MAP2: variants seen among roughly 807,000 people sequenced by gnomAD.
MAP2 encodes the protein microtubule associated protein 2, also known as microtubule-associated protein 2.
MAP2 carries 14 observed loss-of-function variants against 137.6 expected under a neutral mutation model. The ratio of observed to expected loss-of-function variants is 0.10; its 90% confidence interval spans 0.07 to 0.16. The LOEUF is 0.16. MAP2 is among the 10% of genes least tolerant of loss of function. The pLI, the probability that MAP2 is intolerant of heterozygous loss-of-function variation, is 1.00. For missense variants in MAP2, 2,088 were observed against 2,191.5 expected (o/e 0.95, Z 0.94); for synonymous variants, 786 against 782.3 (o/e 1.00, Z -0.08).
intron 2 of MAP2, among the ~76,000 whole-genome samples, chr2:209,573,134 TC>T (rs1299597454): frequency 6.6e-6 from 1 of 152,182 alleles, no homozygotes; most frequent in Non-Finnish European, 1.5e-5. Context: ...GAGCCATGCT[TC>T]TAACAATTTG....
At chr2:209,470,229 C>T (rs1052990477) in intron 1 of MAP2, among the ~76,000 whole-genome samples, 35 of 152,050 alleles carry the variant, frequency 2.3e-4, no homozygotes, top group Non-Finnish European at 4.0e-4. Context: ...AAATGCTATG[C>T]GGGAGAAGAT....
chr2:209,435,192 C>A (rs938997049), intron 1 of MAP2, among the ~76,000 whole-genome samples: 1 of 150,962 alleles, frequency 6.6e-6, no homozygotes, highest in Non-Finnish European at 1.5e-5. Flanking sequence ...GCATATTGTT[C>A]TCCTCTAGTT....
chr2:209,580,541 G>GAA (rs1553603177), intron 3 of MAP2, among the ~76,000 whole-genome samples: 5 of 152,102 alleles, frequency 3.3e-5, no homozygotes, highest in Non-Finnish European at 7.4e-5. Context: ...TGCTAGAGAC[G>GAA]AAAGCCCAGG....
chr2:209,643,989 G>A (rs1404861902), intron 4 of MAP2, among the ~76,000 whole-genome samples: 1 of 152,158 alleles, frequency 6.6e-6, no homozygotes, highest in East Asian at 1.9e-4. Flanking sequence ...ATTCTTTTCT[G>A]AGGTCCTATG....
intron 4 of MAP2, among the ~76,000 whole-genome samples, chr2:209,641,002 C>CAAGTTTACCATGA (rs2093983019): frequency 6.6e-6 from 1 of 151,608 alleles, no homozygotes; most frequent in East Asian, 1.9e-4. Flanking sequence ...CCAAGTTTAC[C>CAAGTTTACCATGA]TGGATCATGG....
chr2:209,469,993 C>T (rs1164261162), intron 1 of MAP2, among the ~76,000 whole-genome samples: 1 of 152,146 alleles, frequency 6.6e-6, no homozygotes, highest in South Asian at 2.1e-4. Context: ...ACAATAAATA[C>T]TCAAGAACTA....
intron 2 of MAP2, among the ~76,000 whole-genome samples, chr2:209,519,954 A>T (rs2063038927): frequency 6.6e-6 from 1 of 152,032 alleles, no homozygotes; most frequent in Admixed American, 6.6e-5. Flanking sequence ...CCTTGTGGAG[A>T]GCAGAATGGA....
Position 209,694,622 on chromosome 2 carries a change from A to G in MAP2, c.2452A>G (p.Arg818Gly). Residue 818 changes from arginine to glycine, a missense_variant, in exon 8 of 16, where the codon AGA becomes GGA. This residue lies in a region of MAP2 where 500 missense variants were observed against 482.9 expected (regional missense o/e 1.04). Transcript: ENST00000682079. ...GCTAGATCTGGCAGGCACAAGGTCAAGATTGGCTTCTGTGAGTGCAGATGC... is the reference window on the plus strand; with the variant it reads ...GCTAGATCTGGCAGGCACAAGGTCAGGATTGGCTTCTGTGAGTGCAGATGC... ...EMLDLAGTRS[R>G]LASVSADAEV... 1 of 1,614,144 alleles carries G rather than the reference A, an allele frequency of 6.2e-7. No individual in the cohort carries two copies. The highest frequency in any genetic ancestry group is 8.5e-7 in the Non-Finnish European group (1 of 1,180,018).
At chr2:209,637,030 C>T (rs1245112526) in intron 4 of MAP2, among the ~76,000 whole-genome samples, 1 of 152,098 alleles carries the variant, frequency 6.6e-6, no homozygotes, top group Non-Finnish European at 1.5e-5. Context: ...CATTAAAAGT[C>T]TAAAAATCAC....
At chr2:209,438,665 C>T (rs1574867760) in intron 1 of MAP2, among the ~76,000 whole-genome samples, 1 of 151,460 alleles carries the variant, frequency 6.6e-6, no homozygotes, top group East Asian at 1.9e-4. Flanking sequence ...CAAGGCACAT[C>T]TGGAAAATGC....
intron 4 of MAP2, among the ~76,000 whole-genome samples, chr2:209,646,508 A>G (rs2094433093): frequency 6.6e-6 from 1 of 152,216 alleles, no homozygotes; most frequent in South Asian, 2.1e-4. Flanking sequence ...CTAAAAGCAG[A>G]TACATTTAAA....
intron 2 of MAP2, among the ~76,000 whole-genome samples, chr2:209,521,888 G>A (rs1258303665): frequency 2.6e-5 from 4 of 152,068 alleles, no homozygotes; most frequent in African/African-American, 7.2e-5. Context: ...ACATAGCAGT[G>A]TAGTTCAGTT....
intron 2 of MAP2, among the ~76,000 whole-genome samples, chr2:209,517,263 T>TTCTC (rs2062647742): frequency 6.6e-6 from 1 of 152,140 alleles, no homozygotes; most frequent in Non-Finnish European, 1.5e-5. Flanking sequence ...ATCACTGAAG[T>TTCTC]TCTCTGTTAG....
At chr2:209,453,313 A>G (rs1700723583) in intron 1 of MAP2, among the ~76,000 whole-genome samples, 1 of 152,074 alleles carries the variant, frequency 6.6e-6, no homozygotes, top group Admixed American at 6.6e-5. Flanking sequence ...TTAATGACAA[A>G]CTGGCCATGA....
At chr2:209,701,477 A>T (rs976811890) in intron 11 of MAP2, among the ~76,000 whole-genome samples, 8 of 152,202 alleles carry the variant, frequency 5.3e-5, no homozygotes, top group African/African-American at 1.9e-4. Context: ...TCCTAAAATT[A>T]TAACAAATAA....
intron 5 of MAP2, among the ~76,000 whole-genome samples, chr2:209,660,303 A>G (rs1359560778): frequency 1.3e-5 from 2 of 151,832 alleles, no homozygotes; most frequent in Non-Finnish European, 2.9e-5. Flanking sequence ...GTCTTATAAA[A>G]TCTGGCCCTA....
In MAP2 at chr2:209,694,575, T is replaced by G. The variant is rs1231958425; in HGVS notation, c.2405T>G (p.Met802Arg). The G allele has an allele frequency of 6.2e-7, 1 of 1,614,074 alleles. No individual in the cohort carries two copies. Among genetic ancestry groups the G allele is most frequent in the South Asian group, 1.1e-5 (1 of 91,078 alleles). Residue 802 changes from methionine (M) to arginine (R), a missense_variant, in exon 8 of 16, where the codon ATG becomes AGG. Met to Arg is a moderately conservative substitution (Grantham distance 91). Coordinates refer to ENST00000682079, the MANE Select transcript of MAP2 (RefSeq NM_001375505.1). ...GATTTTTACAAAAATGGTACTGTCATGGCACCTGACCTTCCTGAAATGCTA... is the reference window on the plus strand; with the variant it reads ...GATTTTTACAAAAATGGTACTGTCAGGGCACCTGACCTTCCTGAAATGCTA... ...AKDFYKNGTV[M>R]APDLPEMLDL...
At chr2:209,604,936 G>C (rs576882686) in intron 3 of MAP2, among the ~76,000 whole-genome samples, 12 of 152,056 alleles carry the variant, frequency 7.9e-5, no homozygotes, top group African/African-American at 1.4e-4. Flanking sequence ...AGAGGCTGTT[G>C]AACAAAGCCT....
chr2:209,643,358 T>A (rs953383026), intron 4 of MAP2, among the ~76,000 whole-genome samples: 1 of 152,172 alleles, frequency 6.6e-6, no homozygotes, highest in Non-Finnish European at 1.5e-5. Flanking sequence ...GGTTTGTGAT[T>A]ATGTGGGAAT....
Sources: gnomAD v4.1 joint callset for allele counts (sites outside exome capture counted in the v4.1 genomes callset) on GRCh38, gnomAD v4.1.1 for gene constraint, gnomAD v4.1.1 regional missense constraint, MANE v1.5 for transcripts, NCBI Gene and HGNC (gene_info 2026-07-23, HGNC 2026-07-21) for gene names.